ZC3H12B: variants seen among roughly 807,000 people sequenced by gnomAD.
ZC3H12B encodes the protein probable ribonuclease ZC3H12B.
A neutral mutation model predicts 43.9 loss-of-function variants in ZC3H12B; 7 were observed. The observed-to-expected ratio is 0.16, with a 90% CI of 0.09 to 0.30. The LOEUF (loss-of-function observed/expected upper bound fraction) is 0.30, where lower values mean the gene tolerates loss of function less well. ZC3H12B is among the 10% of genes least tolerant of loss of function. ZC3H12B has a pLI of 1.00. For synonymous variants in ZC3H12B, 222 were observed against 241.7 expected (o/e 0.92, Z 0.76); for missense variants, 475 against 670.2 (o/e 0.71, Z 3.22).
At chrX:65,071,127 G>A in the ZC3H12B span, among the ~76,000 whole-genome samples, 2 of 109,762 alleles carry the variant, frequency 1.8e-5, no homozygotes, top group Non-Finnish European at 3.8e-5. Flanking sequence ...TTATGAATGC[G>A]ATTGCACCTG....
chrX:65,286,835 G>T, the ZC3H12B span, among the ~76,000 whole-genome samples: 2 of 110,356 alleles, frequency 1.8e-5, no homozygotes, highest in Non-Finnish European at 3.8e-5. Context: ...GAAAGTAAAG[G>T]GATGGAAAAA....
intron 3 of ZC3H12B, among the ~76,000 whole-genome samples, chrX:65,415,047 C>T (rs762564651): frequency 8.0e-5 from 9 of 112,281 alleles, no homozygotes; most frequent in Non-Finnish European, 1.1e-4. Flanking sequence ...TCAATTAATA[C>T]GTGTAGATAT....
the ZC3H12B span, among the ~76,000 whole-genome samples, chrX:65,244,622 C>T: frequency 1.0e-5 from 1 of 99,621 alleles, no homozygotes; most frequent in South Asian, 5.1e-4. Flanking sequence ...CCTGTGGTCT[C>T]GAGAGGCTGA....
the ZC3H12B span, among the ~76,000 whole-genome samples, chrX:65,311,449 A>C: frequency 3.6e-5 from 4 of 112,200 alleles, no homozygotes; most frequent in Non-Finnish European, 7.5e-5. Flanking sequence ...ATGAGATACC[A>C]TTTCACACTG....
upstream of ZC3H12B, among the ~76,000 whole-genome samples, chrX:65,485,496 T>A (rs1435104261): frequency 8.9e-6 from 1 of 112,602 alleles, no homozygotes; most frequent in Non-Finnish European, 1.9e-5. Flanking sequence ...GCTCAAGCGA[T>A]CCTCCTGCCT....
chrX:65,135,242 A>G, the ZC3H12B span, among the ~76,000 whole-genome samples: 1 of 111,638 alleles, frequency 9.0e-6, no homozygotes. Context: ...ATGTAAATTT[A>G]GAAGCACATC....
At chrX:65,478,617 AC>A (rs946285061) in intron 3 of ZC3H12B, among the ~76,000 whole-genome samples, 1 of 112,258 alleles carries the variant, frequency 8.9e-6, no homozygotes, top group African/African-American at 3.2e-5. Flanking sequence ...TGGTTCAAAA[AC>A]ATTTTTCTTA....
chrX:65,266,466 G>A, the ZC3H12B span, among the ~76,000 whole-genome samples: 1 of 112,021 alleles, frequency 8.9e-6, no homozygotes. Context: ...CTCCACAAAA[G>A]CAACTGATGA....
the ZC3H12B span, among the ~76,000 whole-genome samples, chrX:65,140,583 G>A: frequency 9.0e-6 from 1 of 111,379 alleles, no homozygotes; most frequent in Non-Finnish European, 1.9e-5. Context: ...TCTGTCCACT[G>A]TAGTGTCCAC....
chrX:65,177,124 A>G, the ZC3H12B span, among the ~76,000 whole-genome samples: 6 of 112,392 alleles, frequency 5.3e-5, no homozygotes, highest in Admixed American at 4.7e-4. Context: ...ATGGTTCAAC[A>G]TACACAAAGC....
intron 3 of ZC3H12B, among the ~76,000 whole-genome samples, chrX:65,454,472 A>G (rs987898494): frequency 1.8e-5 from 2 of 112,227 alleles, no homozygotes; most frequent in African/African-American, 6.5e-5. Context: ...AGGTAAACAA[A>G]GCAGCTGGGA....
the ZC3H12B span, among the ~76,000 whole-genome samples, chrX:65,196,349 G>T: frequency 1.1e-4 from 12 of 111,182 alleles, no homozygotes; most frequent in Admixed American, 5.8e-4. Flanking sequence ...GAACTGCGGG[G>T]TCAAGTCAGT....
the ZC3H12B span, among the ~76,000 whole-genome samples, chrX:65,120,354 G>A: frequency 9.1e-6 from 1 of 109,894 alleles, no homozygotes; most frequent in South Asian, 3.7e-4. Context: ...CCTTGAAGAG[G>A]TTTTTCACAT....
At chrX:65,325,936 G>A in the ZC3H12B span, among the ~76,000 whole-genome samples, 221 of 111,452 alleles carry the variant, frequency 2.0e-3, 2 homozygotes, top group African/African-American at 5.9e-3. Flanking sequence ...CAAAGGTTTC[G>A]AGTATGTACA....
At chrX:65,190,988 A>G in the ZC3H12B span, among the ~76,000 whole-genome samples, 75 of 88,960 alleles carry the variant, frequency 8.4e-4, no homozygotes, top group Non-Finnish European at 1.1e-3. Flanking sequence ...TACCTAATTT[A>G]TTGAGAGTTT....
the ZC3H12B span, among the ~76,000 whole-genome samples, chrX:65,079,735 G>A: frequency 1.8e-5 from 2 of 111,730 alleles, no homozygotes; most frequent in Non-Finnish European, 3.8e-5. Flanking sequence ...TACCTGGAAA[G>A]CCTTCCCAAG....
chrX:65,455,368 AG>A (rs1163739613), intron 3 of ZC3H12B, among the ~76,000 whole-genome samples: 1 of 112,437 alleles, frequency 8.9e-6, no homozygotes, highest in Non-Finnish European at 1.9e-5. Flanking sequence ...ACTGGAAGAA[AG>A]GGTATCAGTG....
chrX:65,365,352 CT>C (rs1297897851), upstream of ZC3H12B, among the ~76,000 whole-genome samples: 1 of 111,003 alleles, frequency 9.0e-6, no homozygotes, highest in Non-Finnish European at 1.9e-5. Context: ...TGTTTTTCTC[CT>C]TCTCTTATTT....
the ZC3H12B span, among the ~76,000 whole-genome samples, chrX:65,118,225 T>C: frequency 1.8e-5 from 2 of 112,018 alleles, no homozygotes; most frequent in African/African-American, 6.5e-5. Context: ...GTTTGTGTCC[T>C]CTTTGATTTC....
Sources: gnomAD v4.1 joint callset for allele counts (sites outside exome capture counted in the v4.1 genomes callset) on GRCh38, gnomAD v4.1.1 for gene constraint, MANE v1.5 for transcripts, NCBI Gene and HGNC (gene_info 2026-07-23, HGNC 2026-07-21) for gene names.